Variants in ATP9B observed in about 807,000 individuals in gnomAD.
The protein encoded by ATP9B is probable phospholipid-transporting ATPase IIB.
Under a neutral mutation model 146.1 loss-of-function variants are expected in ATP9B, and 110 were observed. The ratio of observed to expected loss-of-function variants is 0.75; its 90% CI spans 0.65 to 0.88. The LOEUF is 0.88. ATP9B is among the 40% of genes least tolerant of loss of function. The pLI is 0.00. For missense variants in ATP9B, 1,499 were observed against 1,496.4 expected (o/e 1.00, Z -0.03); for synonymous variants, 604 against 569.7 (o/e 1.06, Z -0.86).
At chr18:79,138,659 T>G (rs1377398804) in intron 5 of ATP9B, among the ~76,000 whole-genome samples, 1 of 152,172 alleles carries the variant, frequency 6.6e-6, no homozygotes, top group Non-Finnish European at 1.5e-5. Context: ...TCAACTAAAT[T>G]TGTTTATAGA....
intron 2 of ATP9B, among the ~76,000 whole-genome samples, chr18:79,101,123 G>A (rs555065122): frequency 3.3e-5 from 5 of 151,788 alleles, no homozygotes; most frequent in South Asian, 2.1e-4. Flanking sequence ...TGCAGTTCTC[G>A]GTGATTTCAT....
chr18:79,263,707 C>A (rs1361139906), intron 12 of ATP9B, among the ~76,000 whole-genome samples: 1 of 152,210 alleles, frequency 6.6e-6, no homozygotes, highest in Non-Finnish European at 1.5e-5. Context: ...GTTTGGGTTG[C>A]TTCCAGTTTT....
intron 15 of ATP9B, among the ~76,000 whole-genome samples, chr18:79,318,916 G>A (rs974521460): frequency 6.6e-5 from 10 of 152,166 alleles, no homozygotes; most frequent in Non-Finnish European, 1.2e-4. Context: ...GCAGAACGAG[G>A]TGACCACTCT....
intron 5 of ATP9B, among the ~76,000 whole-genome samples, chr18:79,139,982 T>C (rs1337795672): frequency 1.3e-5 from 2 of 152,208 alleles, no homozygotes; most frequent in African/African-American, 4.8e-5. Flanking sequence ...GATCTGAAAT[T>C]TAGTGGATAC....
At chr18:79,366,982 A>C (rs1209692784) in intron 26 of ATP9B, among the ~76,000 whole-genome samples, 6 of 152,248 alleles carry the variant, frequency 3.9e-5, no homozygotes, top group Non-Finnish European at 8.8e-5. Flanking sequence ...TGACTAGATG[A>C]TAACCAGAGA....
At chr18:79,210,776 G>A (rs1320992135) in intron 10 of ATP9B, among the ~76,000 whole-genome samples, 1 of 152,208 alleles carries the variant, frequency 6.6e-6, no homozygotes, top group Admixed American at 6.5e-5. Flanking sequence ...CCAGAGGCTG[G>A]TGTATGTGGC....
intron 13 of ATP9B, 57 bp downstream of exon 13, chr18:79,277,253 A>G (rs1469908306): frequency 6.3e-7 from 1 of 1,591,046 alleles, no homozygotes; most frequent in African/African-American, 1.3e-5. Flanking sequence ...TTAATAAAAA[A>G]TAGCATAGCG....
rs143477245 is a variant in ATP9B, at chr18:79,366,928, C to T, written c.3013-5897C>T. Among the ~76,000 whole-genome samples the T allele has an allele frequency of 5.4e-3, 829 of 152,366 alleles. 8 individuals carry two copies. Among genetic ancestry groups the T allele is most frequent in the Middle Eastern group, 0.01 (3 of 294 alleles). On this transcript the variant is annotated intron_variant, in intron 26 of 29. Transcript: ENST00000426216. ...ACGGCGTCAGAGGCTGAGCCTCCCACGGGCTAGCACTGAACACCCTGCACA... is the reference window on the plus strand; with the variant it reads ...ACGGCGTCAGAGGCTGAGCCTCCCATGGGCTAGCACTGAACACCCTGCACA...
At chr18:79,143,328 C>T (rs2094536929) in intron 5 of ATP9B, among the ~76,000 whole-genome samples, 1 of 152,166 alleles carries the variant, frequency 6.6e-6, no homozygotes. Context: ...CTTTTTCACT[C>T]TTCTCCTGTG....
At chr18:79,228,550 G>C (rs1355472988) in intron 11 of ATP9B, among the ~76,000 whole-genome samples, 1 of 152,184 alleles carries the variant, frequency 6.6e-6, no homozygotes, top group Non-Finnish European at 1.5e-5. Flanking sequence ...AGTCTTTAAA[G>C]AGATTATAAT....
chr18:79,284,940 G>C (rs1184408111), intron 13 of ATP9B, among the ~76,000 whole-genome samples: 1 of 152,150 alleles, frequency 6.6e-6, no homozygotes, highest in Non-Finnish European at 1.5e-5. Flanking sequence ...TCCCTACAAA[G>C]GACATGAACT....
chr18:79,183,389 A>G (rs184485238), intron 8 of ATP9B, among the ~76,000 whole-genome samples: 6 of 152,268 alleles, frequency 3.9e-5, no homozygotes, highest in Admixed American at 1.3e-4. Context: ...CTGTTTTCCA[A>G]TCTGATAACT....
At position 79,163,869 on chromosome 18, in the gene ATP9B, TACACACACACACAC is replaced by T. The variant is rs56408063; in HGVS notation, c.778+9338_778+9351del. On this transcript the variant is annotated intron_variant, in intron 7 of 29. Transcript: ENST00000426216. Reference sequence around the variant, plus strand: ...TATTTTATTTTCATATTTTATTTTATACACACACACACACACACACACACACACACACACACAGG... The same window carrying T: ...TATTTTATTTTCATATTTTATTTTATACACACACACACACACACACACAGG... 2.2e-4 allele frequency among the ~76,000 whole-genome samples: 32 copies of T among 142,782 alleles called. 1 individual carries two copies. Among genetic ancestry groups the T allele is most frequent in the Middle Eastern group, 7.1e-3 (2 of 282 alleles). The allele number at this position is 142,782 out of a possible 152,430, so 93.7% of individuals were successfully genotyped here.
At chr18:79,197,661 A>G (rs1181864609) in intron 9 of ATP9B, among the ~76,000 whole-genome samples, 1 of 152,172 alleles carries the variant, frequency 6.6e-6, no homozygotes, top group African/African-American at 2.4e-5. Context: ...AGTAGAGGTG[A>G]TGAAGTTAGA....
intron 12 of ATP9B, among the ~76,000 whole-genome samples, chr18:79,262,049 G>T (rs535070090): frequency 6.6e-6 from 1 of 152,250 alleles, no homozygotes; most frequent in East Asian, 1.9e-4. Flanking sequence ...GTGCAGGGAT[G>T]AATGGCGTGT....
At chr18:79,297,752 G>A (rs1015789202) in intron 13 of ATP9B, among the ~76,000 whole-genome samples, 1 of 112,806 alleles carries the variant, frequency 8.9e-6, no homozygotes, top group Non-Finnish European at 2.0e-5. Flanking sequence ...AGGGACTTAG[G>A]ATTTCATGTT....
intron 5 of ATP9B, among the ~76,000 whole-genome samples, chr18:79,130,209 A>C (rs750563386): frequency 1.3e-5 from 2 of 152,192 alleles, no homozygotes; most frequent in Non-Finnish European, 2.9e-5. Flanking sequence ...GCTCAAGGAA[A>C]CCATGGGGAT....
intron 17 of ATP9B, among the ~76,000 whole-genome samples, chr18:79,334,909 C>G (rs1311371973): frequency 1.3e-5 from 2 of 152,018 alleles, no homozygotes; most frequent in African/African-American, 4.8e-5. Flanking sequence ...TGCCCAGTCG[C>G]CCACACTGCC....
At chr18:79,211,577 A>G (rs2095584669) in intron 10 of ATP9B, among the ~76,000 whole-genome samples, 1 of 152,206 alleles carries the variant, frequency 6.6e-6, no homozygotes, top group Non-Finnish European at 1.5e-5. Flanking sequence ...AATATTTAAT[A>G]TTAATTTTTA....
Sources: gnomAD v4.1 joint callset for allele counts (sites outside exome capture counted in the v4.1 genomes callset) on GRCh38, gnomAD v4.1.1 for gene constraint, MANE v1.5 for transcripts, NCBI Gene and HGNC (gene_info 2026-07-23, HGNC 2026-07-21) for gene names.